The following BICD1 variants were observed in gnomAD, a reference collection of about 807,000 sequenced individuals.
BICD1 encodes BICD cargo adaptor 1.
A neutral mutation model predicts 92.5 loss-of-function variants in BICD1; 35 were observed. That is an observed-to-expected ratio of 0.38 (90% CI 0.29 to 0.50). The LOEUF (loss-of-function observed/expected upper bound fraction) is 0.50, where lower values mean the gene tolerates loss of function less well. BICD1 is among the 20% of genes least tolerant of loss of function. The pLI is 0.93. For synonymous variants in BICD1, 429 were observed against 465.1 expected, an observed-to-expected ratio of 0.92 and a Z score of 1.00; for missense variants, 950 against 1,189.8, an observed-to-expected ratio of 0.80 and a Z score of 2.97.
At position 32,342,164 on chromosome 12, in the gene BICD1, A is replaced by ATG. The variant is rs3075990; in HGVS notation, c.2764+3187_2764+3188dup. Among the ~76,000 whole-genome samples, 257 of 140,280 alleles carry ATG rather than the reference A, an allele frequency of 1.8e-3. 2 individuals carry two copies. In the East Asian group the frequency reaches 0.022, roughly 12 times the overall value. The allele number at this position is 140,280 out of a possible 152,430, so 92.0% of individuals were successfully genotyped here. On this transcript the variant is annotated intron_variant, in intron 8 of 9. Coordinates refer to ENST00000652176, the MANE Select transcript of BICD1 (RefSeq NM_001714.4). Reference sequence around the variant, plus strand: ...TGTGTATATATATGTGTGTATATATATGTATATATATATGTGTGTATATAT... The same window carrying ATG: ...TGTGTATATATATGTGTGTATATATATGTGTATATATATATGTGTGTATATAT...
chr12:32,125,317 C>T (rs933074340), intron 1 of BICD1, among the ~76,000 whole-genome samples: 1 of 152,168 alleles, frequency 6.6e-6, no homozygotes. Flanking sequence ...CTTGAATATT[C>T]TCCTGCCCAT....
Position 32,381,450 on chromosome 12 carries a change from GTTC to G in BICD1, c.*3828_*3830del, listed in dbSNP as rs773441433. On this transcript the variant is annotated 3_prime_UTR_variant, in exon 10 of 10. Coordinates refer to ENST00000652176, the MANE Select transcript of BICD1 (RefSeq NM_001714.4). ...TTGGAAAATATCCTTGTGCAGATAA[GTTC>G]TTCTGTTTGAAACAAGCATGAAACA... The G allele has an allele frequency of 9.9e-5, 15 of 152,158 alleles. No homozygotes were observed. The East Asian group carries it at 2.7e-3, about 27-fold the overall frequency. The allele number at this position is 152,158 out of a possible 1,614,324, so 9.4% of individuals were successfully genotyped here. A position where few individuals can be genotyped will look rare whatever the true frequency, so the allele number is the denominator to read the frequency against.
At chr12:32,125,220 C>G (rs977606756) in intron 1 of BICD1, among the ~76,000 whole-genome samples, 3 of 152,172 alleles carry the variant, frequency 2.0e-5, no homozygotes, top group Non-Finnish European at 4.4e-5. Context: ...TCACTCTTGG[C>G]TTTGAGAGCC....
intron 3 of BICD1, among the ~76,000 whole-genome samples, chr12:32,298,569 C>CAAAAAAA (rs56382132): frequency 0.1 from 7,699 of 77,362 alleles, 677 homozygotes; most frequent in African/African-American, 0.2. Flanking sequence ...CGATCCACCT[C>CAAAAAAA]AAAAAAAAAA....
At chr12:32,208,337 A>C (rs1220338007) in intron 1 of BICD1, among the ~76,000 whole-genome samples, 1 of 152,248 alleles carries the variant, frequency 6.6e-6, no homozygotes, top group Admixed American at 6.5e-5. Context: ...GGTCTGTTCC[A>C]AGTGATACAT....
At chr12:32,365,768 A>C (rs1939505494) in intron 8 of BICD1, among the ~76,000 whole-genome samples, 1 of 152,246 alleles carries the variant, frequency 6.6e-6, no homozygotes, top group African/African-American at 2.4e-5. Context: ...CTGTTGGAGA[A>C]GACAAAAGGA....
chr12:32,198,010 A>C (rs2121548670), intron 1 of BICD1, among the ~76,000 whole-genome samples: 1 of 152,166 alleles, frequency 6.6e-6, no homozygotes, highest in African/African-American at 2.4e-5. Context: ...GTTCGAGACC[A>C]GCCTGACCAA....
At chr12:32,316,838 A>G (rs1206703556) in intron 4 of BICD1, among the ~76,000 whole-genome samples, 1 of 151,994 alleles carries the variant, frequency 6.6e-6, no homozygotes, top group South Asian at 2.1e-4. Flanking sequence ...TATATCTCCT[A>G]ATGCTATCCC....
chr12:32,167,157 T>C (rs527259129), intron 1 of BICD1, among the ~76,000 whole-genome samples: 13 of 152,358 alleles, frequency 8.5e-5, no homozygotes, highest in African/African-American at 3.1e-4. Context: ...CCCTTCTATT[T>C]TCCAGAGTCA....
chr12:32,355,739 T>C (rs1019883009), intron 8 of BICD1, among the ~76,000 whole-genome samples: 2 of 151,832 alleles, frequency 1.3e-5, no homozygotes, highest in Non-Finnish European at 2.9e-5. Context: ...GAGGTGAAGA[T>C]TGCAGTGAGC....
rs1389753959 is a variant in BICD1 at position 32,337,140 on chromosome 12, G to A, written c.2253-359G>A. On this transcript the variant is annotated intron_variant, in intron 6 of 9. Coordinates refer to ENST00000652176, the MANE Select transcript of BICD1 (RefSeq NM_001714.4). This position sits in a 1 kb window ranked among gnomAD's most constrained non-coding sequence, Gnocchi z 4.7. The stretch of plus-strand genomic sequence containing the variant: ...CACACTCCTGTAATTCCAGCAACTC[G>A]GCAGGCTGAGGCATGAGAATCGCTT... 6.6e-6 allele frequency among the ~76,000 whole-genome samples: 1 copy of A among 152,036 alleles called. No individual in the cohort carries two copies. The highest frequency in any genetic ancestry group is 1.9e-4 in the East Asian group (1 of 5,182).
At chr12:32,247,139 C>T (rs1197694575) in intron 2 of BICD1, among the ~76,000 whole-genome samples, 6 of 151,398 alleles carry the variant, frequency 4.0e-5, no homozygotes, top group Non-Finnish European at 7.4e-5. Context: ...TGCCTGTAGT[C>T]CCAGCTACTA....
At chr12:32,338,609 C>G (rs1227599059) in intron 7 of BICD1, 177 bp from the exon 8 acceptor site, 1 of 530,638 alleles carries the variant, frequency 1.9e-6, no homozygotes, top group East Asian at 3.6e-5. Flanking sequence ...GAACAGTTTC[C>G]AAATAGGGTT....
chr12:32,182,278 C>CTTTTTTTTTTTTTTTTTTTTTTT lies in BICD1; in HGVS notation c.214-33947_214-33946insTTTTTTTTTTTTTTTTTTTTTTT, dbSNP rs759328721. ...TTCTTTTTTCTTTCTTTCTTTCTTT[C>CTTTTTTTTTTTTTTTTTTTTTTT]TTTTTTTTTTTTTTTTTTTTTTGAG... is the stretch of plus-strand genomic sequence containing the variant. On this transcript the variant is annotated intron_variant, in intron 1 of 9. Transcript: ENST00000652176. 6.8e-4 allele frequency among the ~76,000 whole-genome samples: 55 copies of CTTTTTTTTTTTTTTTTTTTTTTT among 81,420 alleles called. 2 individuals carry two copies. The highest frequency in any genetic ancestry group is 0.012 in the Middle Eastern group (1 of 82). The allele number at this position is 81,420 out of a possible 152,430, so 53.4% of individuals were successfully genotyped here.
chr12:32,263,956 A>T (rs1349502415), intron 2 of BICD1, among the ~76,000 whole-genome samples: 1 of 152,184 alleles, frequency 6.6e-6, no homozygotes, highest in South Asian at 2.1e-4. Flanking sequence ...ACCACAAAAC[A>T]TCTGCAAGTA....
At chr12:32,339,208 G>T (rs1938258797) in intron 8 of BICD1, 1 of 1,263,850 alleles carries the variant, frequency 7.9e-7, no homozygotes, top group Non-Finnish European at 9.9e-7. Flanking sequence ...GCAAATGAGA[G>T]TTGGAAGGAA....
At chr12:32,182,384 G>A (rs997535413) in intron 1 of BICD1, among the ~76,000 whole-genome samples, 10 of 148,018 alleles carry the variant, frequency 6.8e-5, no homozygotes, top group African/African-American at 2.5e-4. Flanking sequence ...CCGGGTCCAG[G>A]CAATTCTCCT....
chr12:32,135,382 G>A (rs1010170719), intron 1 of BICD1, among the ~76,000 whole-genome samples: 2 of 129,372 alleles, frequency 1.5e-5, no homozygotes, highest in African/African-American at 5.8e-5. Context: ...GCCACCATGC[G>A]TGGCTTTTTT....
chr12:32,198,456 C>T (rs752676939), intron 1 of BICD1, among the ~76,000 whole-genome samples: 2 of 150,182 alleles, frequency 1.3e-5, no homozygotes, highest in Non-Finnish European at 3.0e-5. Context: ...CAATAAAAAG[C>T]AGCCATTGTA....
Sources: allele counts gnomAD v4.1 joint callset (sites outside exome capture counted in the v4.1 genomes callset), GRCh38; gene constraint gnomAD v4.1.1; non-coding constraint Gnocchi (gnomAD v3.1); transcripts MANE v1.5; gene names NCBI Gene and HGNC (gene_info 2026-07-23, HGNC 2026-07-21).